Variants in APP observed in about 807,000 individuals in gnomAD.
APP encodes the protein amyloid beta precursor protein.
Under a neutral mutation model 101.4 loss-of-function variants are expected in APP, and 31 were observed. The ratio of observed to expected loss-of-function variants is 0.31; its 90% CI spans 0.23 to 0.41. The LOEUF is 0.41. APP is among the 10% of genes least tolerant of loss of function. APP has a pLI of 1.00. For synonymous variants in APP, 366 were observed against 364.4 expected, an observed-to-expected ratio of 1.00 and a Z score of -0.05; for missense variants, 839 against 1,003.7, an observed-to-expected ratio of 0.84 and a Z score of 2.22.
At chr21:25,949,064 A>C (rs2040953026) in intron 13 of APP, among the ~76,000 whole-genome samples, 1 of 152,238 alleles carries the variant, frequency 6.6e-6, no homozygotes, top group Non-Finnish European at 1.5e-5. Flanking sequence ...CTTTGCAAGA[A>C]ATCTTCATAA....
intron 3 of APP, among the ~76,000 whole-genome samples, chr21:26,081,674 T>C (rs1291851434): frequency 6.6e-6 from 1 of 152,320 alleles, no homozygotes; most frequent in African/African-American, 2.4e-5. Flanking sequence ...AATCTCTTTA[T>C]TGTCACAGCA....
chr21:26,068,363 CTT>C (rs56143516), intron 3 of APP: 39,021 of 143,838 alleles, frequency 0.27, 6,259 homozygotes, highest in East Asian at 0.37. Flanking sequence ...GCCACATTCT[CTT>C]TTTTTTTTTT....
At position 25,975,862 on chromosome 21, in the gene APP, T is replaced by C. The variant is rs1056016581; in HGVS notation, c.1299+92A>G. The C allele has an allele frequency of 1.6e-4, 160 of 981,794 alleles. 1 individual carries two copies. The highest frequency in any genetic ancestry group is 2.3e-4 in the Non-Finnish European group (140 of 608,560). The allele number at this position is 981,794 out of a possible 1,614,324, so 60.8% of individuals were successfully genotyped here. On this transcript the variant is annotated intron_variant, in intron 10 of 17. Coordinates refer to ENST00000346798, the MANE Select transcript of APP (RefSeq NM_000484.4). ...TCATGGGACTATGAACAATCACACG[T>C]GAGGTGCTGGCAGATAAAGGTAAAC...
At chr21:25,954,084 A>G (rs771505059) in intron 13 of APP, among the ~76,000 whole-genome samples, 10 of 152,166 alleles carry the variant, frequency 6.6e-5, no homozygotes, top group Non-Finnish European at 1.0e-4. Context: ...CTTACTGAAT[A>G]TAACAATAAC....
intron 2 of APP, among the ~76,000 whole-genome samples, chr21:26,105,565 T>C (rs918674165): frequency 6.6e-6 from 1 of 151,136 alleles, no homozygotes; most frequent in Admixed American, 6.6e-5. Flanking sequence ...AACACACGCA[T>C]GAAAATCCAA....
chr21:25,882,132 A>G (rs141816085), intron 17 of APP, among the ~76,000 whole-genome samples: 2 of 152,142 alleles, frequency 1.3e-5, no homozygotes, highest in East Asian at 3.9e-4. Context: ...AGCCTGTTTT[A>G]CGTGGAAGTG....
intron 3 of APP, among the ~76,000 whole-genome samples, chr21:26,077,059 T>C (rs954160668): frequency 9.8e-5 from 3 of 30,596 alleles, no homozygotes; most frequent in South Asian, 1.6e-3. Flanking sequence ...TGAGACTCTG[T>C]CTCAAAAAAA....
At chr21:26,118,716 C>T (rs941900459) in intron 1 of APP, among the ~76,000 whole-genome samples, 1 of 152,014 alleles carries the variant, frequency 6.6e-6, no homozygotes, top group Non-Finnish European at 1.5e-5. Flanking sequence ...CTACGCCTGG[C>T]TAATTTTTGT....
chr21:26,018,083 T>C (rs2044182531), intron 6 of APP, among the ~76,000 whole-genome samples: 1 of 152,212 alleles, frequency 6.6e-6, no homozygotes, highest in African/African-American at 2.4e-5. Context: ...TTGGGTATCA[T>C]CGATTCTAAC....
intron 3 of APP, among the ~76,000 whole-genome samples, chr21:26,078,944 T>C (rs542441389): frequency 4.0e-5 from 6 of 150,178 alleles, no homozygotes; most frequent in African/African-American, 1.5e-4. Flanking sequence ...TTGGCAGGCT[T>C]AGGCAGGAGA....
chr21:25,976,873 T>C (rs2146579212), intron 9 of APP, among the ~76,000 whole-genome samples: 1 of 152,158 alleles, frequency 6.6e-6, no homozygotes, highest in Middle Eastern at 3.4e-3. Context: ...GGGAGTGGGT[T>C]TGTTATTGTG....
At chr21:25,912,623 G>A (rs2039137280) in intron 13 of APP, among the ~76,000 whole-genome samples, 1 of 152,060 alleles carries the variant, frequency 6.6e-6, no homozygotes. Context: ...GCCTTCTCTG[G>A]ACTTAACCAC....
intron 13 of APP, among the ~76,000 whole-genome samples, chr21:25,912,384 G>C (rs1407246027): frequency 6.6e-6 from 1 of 152,194 alleles, no homozygotes; most frequent in Non-Finnish European, 1.5e-5. Flanking sequence ...TCTCATTCAA[G>C]CTGAAAGACA....
intron 13 of APP, among the ~76,000 whole-genome samples, chr21:25,920,298 A>G (rs878990026): frequency 6.6e-6 from 1 of 152,116 alleles, no homozygotes; most frequent in Admixed American, 6.6e-5. Flanking sequence ...GACCATCAAG[A>G]CTAGGAAGAA....
chr21:26,071,175 T>G (rs1310509084), intron 3 of APP, among the ~76,000 whole-genome samples: 1 of 152,208 alleles, frequency 6.6e-6, no homozygotes, highest in Non-Finnish European at 1.5e-5. Context: ...CAAATGAAAG[T>G]GCACTCAGGC....
chr21:25,952,209 CACACACACACACACACAT>C (rs2041113718), intron 13 of APP, among the ~76,000 whole-genome samples: 5 of 151,730 alleles, frequency 3.3e-5, no homozygotes, highest in African/African-American at 9.7e-5. Flanking sequence ...CACACACACA[CACACACACACACACACAT>C]TAAGAGCACA....
intron 3 of APP, among the ~76,000 whole-genome samples, chr21:26,083,066 G>A (rs993257461): frequency 2.6e-5 from 4 of 152,094 alleles, no homozygotes; most frequent in Non-Finnish European, 5.9e-5. Context: ...GGGTATCCAT[G>A]CTTATGTTAA....
At chr21:26,108,626 G>A (rs1261412824) in intron 2 of APP, among the ~76,000 whole-genome samples, 5 of 152,096 alleles carry the variant, frequency 3.3e-5, no homozygotes, top group Non-Finnish European at 1.5e-5. Context: ...GGTGGCTCAC[G>A]CCTGTAATCC....
Position 26,112,236 on chromosome 21 carries a change from C to G in APP, c.58-90G>C. 8.0e-6 allele frequency: 11 copies of G among 1,367,190 alleles called. No homozygotes were observed. In the South Asian group the frequency reaches 1.3e-4, roughly 16 times the overall value. The allele number at this position is 1,367,190 out of a possible 1,614,324, so 84.7% of individuals were successfully genotyped here. A position where few individuals can be genotyped will look rare whatever the true frequency, so the allele number is the denominator to read the frequency against. On this transcript the variant is annotated intron_variant, in intron 1 of 17. Coordinates refer to ENST00000346798, the MANE Select transcript of APP (RefSeq NM_000484.4). ...ACAGGGATAACTATCAAAAAGAGTTCTATTCTTGCTCATTCTCAATTAGGA... is the reference window on the plus strand; with the variant it reads ...ACAGGGATAACTATCAAAAAGAGTTGTATTCTTGCTCATTCTCAATTAGGA...
Sources: allele counts gnomAD v4.1 joint callset (sites outside exome capture counted in the v4.1 genomes callset), GRCh38; gene constraint gnomAD v4.1.1; transcripts MANE v1.5; gene names NCBI Gene and HGNC (gene_info 2026-07-23, HGNC 2026-07-21).